The following SPIDR variants were observed in gnomAD, a reference collection of about 807,000 sequenced individuals.
The protein encoded by SPIDR is scaffold protein involved in DNA repair.
SPIDR carries 93 observed loss-of-function variants against 104.6 expected under a neutral mutation model. The observed-to-expected ratio is 0.89, with a 90% confidence interval of 0.75 to 1.06. The LOEUF (loss-of-function observed/expected upper bound fraction) is 1.06, where lower values mean the gene tolerates loss of function less well. SPIDR is among the 50% of genes least tolerant of loss of function. The pLI, the probability that SPIDR is intolerant of heterozygous loss-of-function variation, is 0.00. For synonymous variants in SPIDR, 431 were observed against 416.9 expected, an observed-to-expected ratio of 1.03 and a Z score of -0.41; for missense variants, 1,154 against 1,111.2, an observed-to-expected ratio of 1.04 and a Z score of -0.55.
At chr8:47,353,947 T>C (rs1260367625) in intron 5 of SPIDR, among the ~76,000 whole-genome samples, 3 of 152,144 alleles carry the variant, frequency 2.0e-5, no homozygotes, top group African/African-American at 7.2e-5. Flanking sequence ...ATACTTTTGT[T>C]TTTTTCAGGG....
At chr8:47,557,314 A>G (rs918611904) in intron 8 of SPIDR, among the ~76,000 whole-genome samples, 3 of 152,176 alleles carry the variant, frequency 2.0e-5, no homozygotes, top group Admixed American at 6.5e-5. Context: ...AATTAGAAAA[A>G]TATTCCTGAA....
Position 47,463,314 on chromosome 8 carries a change from T to G in SPIDR, c.1097+22772T>G, listed in dbSNP as rs1349828400. 3.4e-5 allele frequency among the ~76,000 whole-genome samples: 5 copies of G among 147,076 alleles called. No homozygotes were observed. The East Asian group carries it at 1.0e-3, about 30-fold the overall frequency. On this transcript the variant is annotated intron_variant, in intron 8 of 19. Coordinates refer to ENST00000297423, the MANE Select transcript of SPIDR (RefSeq NM_001080394.4). ...AGGTGGAGCTTGCAGTGAGCCGAGA[T>G]CACACCACTACACTCCAGCCTGGGT...
chr8:47,344,133 G>A (rs1160095861), intron 5 of SPIDR, among the ~76,000 whole-genome samples: 1 of 97,298 alleles, frequency 1.0e-5, no homozygotes, highest in African/African-American at 4.0e-5. Flanking sequence ...CCCACCCCAC[G>A]ACAAGTCCCG....
At chr8:47,607,867 A>C (rs748137223) in intron 10 of SPIDR, among the ~76,000 whole-genome samples, 1 of 151,072 alleles carries the variant, frequency 6.6e-6, no homozygotes, top group Non-Finnish European at 1.5e-5. Context: ...TCATGTATAC[A>C]TAGTTCCAAT....
chr8:47,548,352 T>A (rs2089825316), intron 8 of SPIDR, among the ~76,000 whole-genome samples: 1 of 152,218 alleles, frequency 6.6e-6, no homozygotes. Flanking sequence ...TCTTAAGCTT[T>A]TTAAGTAAAA....
At chr8:47,694,956 A>G (rs926646198) in intron 11 of SPIDR, among the ~76,000 whole-genome samples, 5 of 152,156 alleles carry the variant, frequency 3.3e-5, no homozygotes, top group Admixed American at 3.3e-4. Context: ...TATGAAAAAT[A>G]TTTCCTAAAA....
chr8:47,722,794 C>G (rs1167089224), intron 16 of SPIDR, among the ~76,000 whole-genome samples: 2 of 144,370 alleles, frequency 1.4e-5, no homozygotes, highest in African/African-American at 5.1e-5. Context: ...TTTTTTTTTT[C>G]TTGAGATGGG....
At chr8:47,488,203 A>G (rs2078032981) in intron 8 of SPIDR, among the ~76,000 whole-genome samples, 1 of 152,218 alleles carries the variant, frequency 6.6e-6, no homozygotes, top group African/African-American at 2.4e-5. Context: ...GCAAACTACC[A>G]TCAGAGAATA....
intron 10 of SPIDR, among the ~76,000 whole-genome samples, chr8:47,655,648 G>A (rs1021845397): frequency 3.0e-4 from 46 of 152,130 alleles, no homozygotes; most frequent in African/African-American, 1.0e-3. Flanking sequence ...TGAGTAGATT[G>A]CAAAAATTTT....
At chr8:47,525,816 G>C (rs529114600) in intron 8 of SPIDR, among the ~76,000 whole-genome samples, 2 of 151,890 alleles carry the variant, frequency 1.3e-5, no homozygotes, top group Admixed American at 1.3e-4. Flanking sequence ...TGGTAGCACT[G>C]CTGGCTAGTT....
At chr8:47,384,335 T>G (rs1242695533) in intron 5 of SPIDR, among the ~76,000 whole-genome samples, 1 of 152,252 alleles carries the variant, frequency 6.6e-6, no homozygotes, top group Non-Finnish European at 1.5e-5. Context: ...ACTTCTGGTT[T>G]TCTATTTACT....
intron 16 of SPIDR, 89 bp downstream of exon 16, chr8:47,713,730 G>T: frequency 6.6e-7 from 1 of 1,525,134 alleles, no homozygotes; most frequent in Non-Finnish European, 8.9e-7. Flanking sequence ...ACAAGTATTT[G>T]TGGAGCACCC....
At chr8:47,536,767 A>G (rs2086985648) in intron 8 of SPIDR, among the ~76,000 whole-genome samples, 1 of 152,234 alleles carries the variant, frequency 6.6e-6, no homozygotes, top group Non-Finnish European at 1.5e-5. Flanking sequence ...AAATTTTTAA[A>G]TTCTGCTCTG....
rs535473272 is a variant in SPIDR at position 47,635,520 on chromosome 8, AAAAT to A, written c.1544+36332_1544+36335del. Among the ~76,000 whole-genome samples the A allele has an allele frequency of 4.1e-3, 627 of 152,298 alleles. 1 individual carries two copies. Among genetic ancestry groups the A allele is most frequent in the Non-Finnish European group, 7.1e-3 (484 of 68,024 alleles). On this transcript the variant is annotated intron_variant, in intron 10 of 19. Coordinates refer to ENST00000297423, the MANE Select transcript of SPIDR (RefSeq NM_001080394.4). ...TACTATGTACCCTCAAAATTTAAAA[AAAAT>A]AAATAAACTGTGGAAGAACTATAAC...
intron 8 of SPIDR, among the ~76,000 whole-genome samples, chr8:47,512,351 C>T: frequency 6.6e-6 from 1 of 152,122 alleles, no homozygotes; most frequent in Non-Finnish European, 1.5e-5. Flanking sequence ...GGTGATTGGT[C>T]CACTGAGGAT....
chr8:47,614,159 C>T (rs769460167), intron 10 of SPIDR, among the ~76,000 whole-genome samples: 2 of 152,072 alleles, frequency 1.3e-5, no homozygotes, highest in East Asian at 1.9e-4. Flanking sequence ...CTGGGGATAA[C>T]GGCTCCCAGC....
At chr8:47,492,335 C>G (rs1219616336) in intron 8 of SPIDR, among the ~76,000 whole-genome samples, 1 of 152,162 alleles carries the variant, frequency 6.6e-6, no homozygotes, top group Admixed American at 6.5e-5. Flanking sequence ...AGCAGGCAGG[C>G]TTCTCACAAA....
Position 47,519,995 on chromosome 8 carries a change from T to C in SPIDR, c.1098-75816T>C, listed in dbSNP as rs188409102. Among the ~76,000 whole-genome samples the C allele has an allele frequency of 4.6e-5, 7 of 152,334 alleles. No homozygotes were observed. The East Asian group carries it at 7.7e-4, about 17-fold the overall frequency. Reference sequence around the variant, plus strand: ...CTCTCGTCATTATATTAAGCCCTTATACCAATTGGTATAGCACAAATTCAT... The same window carrying C: ...CTCTCGTCATTATATTAAGCCCTTACACCAATTGGTATAGCACAAATTCAT... On this transcript the variant is annotated intron_variant, in intron 8 of 19. Coordinates refer to ENST00000297423, the MANE Select transcript of SPIDR (RefSeq NM_001080394.4).
intron 6 of SPIDR, among the ~76,000 whole-genome samples, chr8:47,396,872 G>A (rs2061309022): frequency 6.6e-6 from 1 of 152,192 alleles, no homozygotes; most frequent in South Asian, 2.1e-4. Context: ...AGGTGCTGTG[G>A]AGACAAGTGT....
Sources: gnomAD v4.1 joint callset for allele counts (sites outside exome capture counted in the v4.1 genomes callset) on GRCh38, gnomAD v4.1.1 for gene constraint, MANE v1.5 for transcripts, NCBI Gene and HGNC (gene_info 2026-07-23, HGNC 2026-07-21) for gene names.